Variants in ADGRF1 observed in about 807,000 individuals in gnomAD.
The protein encoded by ADGRF1 is G protein-coupled receptor 110.
Under a neutral mutation model 87.2 loss-of-function variants are expected in ADGRF1, and 85 were observed. The ratio of observed to expected loss-of-function variants is 0.97; its 90% CI spans 0.82 to 1.17. ADGRF1 has a LOEUF of 1.17. Ranked by LOEUF, ADGRF1 falls within the 50% of genes most tolerant of loss-of-function variation. The pLI, the probability that ADGRF1 is intolerant of heterozygous loss-of-function variation, is 0.00. For synonymous variants in ADGRF1, 430 were observed against 408.8 expected, an observed-to-expected ratio of 1.05 and a Z score of -0.63; for missense variants, 1,169 against 1,077.2, an observed-to-expected ratio of 1.09 and a Z score of -1.19.
At chr6:47,021,229 G>A (rs1015218275) in intron 6 of ADGRF1, among the ~76,000 whole-genome samples, 3 of 152,112 alleles carry the variant, frequency 2.0e-5, no homozygotes, top group African/African-American at 4.8e-5. Context: ...CTAGGCAGAG[G>A]GACACTGATC....
intron 13 of ADGRF1, among the ~76,000 whole-genome samples, chr6:47,004,874 T>C (rs1404310864): frequency 2.0e-5 from 3 of 152,182 alleles, no homozygotes; most frequent in African/African-American, 7.2e-5. Context: ...GAGTCAGAAA[T>C]ACAAGGGCAG....
At chr6:47,019,981 A>G (rs1265786033) in intron 7 of ADGRF1, 2 of 987,634 alleles carry the variant, frequency 2.0e-6, no homozygotes, top group Non-Finnish European at 2.4e-6. Flanking sequence ...TATCTCACCC[A>G]AAGCCCCACT....
In ADGRF1 at chr6:47,029,078, A is replaced by G; in HGVS notation, c.-17T>C. The G allele has an allele frequency of 6.2e-7, 1 of 1,610,252 alleles. No homozygotes were observed. The highest frequency in any genetic ancestry group is 8.5e-7 in the Non-Finnish European group (1 of 1,176,454). ...AACTTTCATTTTCCCTGGACTGAAC[A>G]GCAGCAGTCGGGTGCATAGTCTGTG... On this transcript the variant is annotated 5_prime_UTR_variant, in exon 2 of 15. Transcript: ENST00000371253.
intron 7 of ADGRF1, chr6:47,020,076 C>G (rs775254645): frequency 9.9e-7 from 1 of 1,008,294 alleles, no homozygotes; most frequent in Non-Finnish European, 1.2e-6. Flanking sequence ...ACCCTTATCC[C>G]CAACCCTCAC....
chr6:47,016,611 C>T lies in ADGRF1; in HGVS notation c.763+6G>A. On this transcript the variant is annotated splice_donor_region_variant and intron_variant, in intron 8 of 14. Coordinates refer to ENST00000371253, the MANE Select transcript of ADGRF1 (RefSeq NM_153840.4). The stretch of plus-strand genomic sequence containing the variant: ...ACCTAAGCAGAGGATGGGAATCCAG[C>T]ATTACCTTTTCCGAACACTCTGAAA... The T allele has an allele frequency of 6.3e-7, 1 of 1,594,576 alleles. No homozygotes were observed. Among genetic ancestry groups the T allele is most frequent in the Non-Finnish European group, 8.6e-7 (1 of 1,166,222 alleles).
At chr6:47,016,576 G>A (rs766325447) in intron 8 of ADGRF1, 41 bp downstream of exon 8, 13 of 1,476,668 alleles carry the variant, frequency 8.8e-6, no homozygotes, top group Admixed American at 2.1e-5. Flanking sequence ...CTAATTAAAG[G>A]ACTCTCTTAA....
chr6:47,030,338 C>A (rs1041665848), intron 1 of ADGRF1, among the ~76,000 whole-genome samples: 84 of 152,140 alleles, frequency 5.5e-4, no homozygotes, highest in African/African-American at 1.9e-3. Context: ...TATGCCCCAC[C>A]TTCCTGTTTG....
At position 47,016,603 on chromosome 6, in the gene ADGRF1, G is replaced by C. The variant is rs1355897512; in HGVS notation, c.763+14C>G. On this transcript the variant is annotated intron_variant, in intron 8 of 14. Transcript: ENST00000371253. Reference sequence around the variant, plus strand: ...CTCTCTTAACCTAAGCAGAGGATGGGAATCCAGCATTACCTTTTCCGAACA... The same window carrying C: ...CTCTCTTAACCTAAGCAGAGGATGGCAATCCAGCATTACCTTTTCCGAACA... 6.3e-7 allele frequency: 1 copy of C among 1,584,470 alleles called. No homozygotes were observed. Among genetic ancestry groups the C allele is most frequent in the Admixed American group, 1.7e-5 (1 of 58,494 alleles).
rs2171936 is a variant in ADGRF1 at position 47,016,852 on chromosome 6, T to C, written c.612-84A>G. 702 of 1,434,586 alleles carry C rather than the reference T, an allele frequency of 4.9e-4. 2 individuals carry two copies. In the African/African-American group the frequency reaches 9.0e-3, roughly 18 times the overall value. 88.9% of individuals were successfully genotyped at this position (1,434,586 alleles called of 1,614,324 possible). A position where few individuals can be genotyped will look rare whatever the true frequency, so the allele number is the denominator to read the frequency against. On this transcript the variant is annotated intron_variant, in intron 7 of 14. Coordinates refer to ENST00000371253, the MANE Select transcript of ADGRF1 (RefSeq NM_153840.4). ...CGGCCTATGCTGTGTGTACATGCCA[T>C]GGGGTCCATAGGAATAAAGTAAACA... is the stretch of plus-strand genomic sequence containing the variant.
intron 5 of ADGRF1, among the ~76,000 whole-genome samples, chr6:47,023,240 C>A (rs539071936): frequency 4.6e-5 from 7 of 152,314 alleles, no homozygotes; most frequent in African/African-American, 1.7e-4. Flanking sequence ...TTCTGTGTGT[C>A]CTCCTAGAAT....
chr6:47,029,287 C>T (rs943930546), intron 1 of ADGRF1, among the ~76,000 whole-genome samples, 183 bp from the exon 2 acceptor site: 2 of 152,120 alleles, frequency 1.3e-5, no homozygotes, highest in African/African-American at 4.8e-5. Flanking sequence ...TAGTAAATTT[C>T]CATCATTACA....
Position 47,027,721 on chromosome 6 carries a change from T to C in ADGRF1, c.110A>G (p.Asn37Ser). The C allele has an allele frequency of 6.2e-7, 1 of 1,605,700 alleles. No individual in the cohort carries two copies. The highest frequency in any genetic ancestry group is 8.5e-7 in the Non-Finnish European group (1 of 1,172,554). The change falls in exon 3 of 15, where the codon AAT becomes AGT. Residue 37 changes from asparagine to serine, a missense_variant. Physicochemically the swap from Asn to Ser is conservative, Grantham distance 46 (BLOSUM62 1). Transcript: ENST00000371253. ...GIKTKKELIV[N>S]KKKHLGPVEE... The stretch of plus-strand genomic sequence containing the variant: ...AGCCTCACCTAGATGTTTTTTCTTA[T>C]TCACAATGAGTTCTTTTTTTGTTTT...
Position 47,000,113 on chromosome 6 carries a change from C to G in ADGRF1, c.*109G>C. ...GACATTCTTGTTTTATTCCCAGACCCCTAAATCAGAAAACCCGATCGAATA... is the reference window on the plus strand; with the variant it reads ...GACATTCTTGTTTTATTCCCAGACCGCTAAATCAGAAAACCCGATCGAATA... On this transcript the variant is annotated 3_prime_UTR_variant, in exon 15 of 15. Coordinates refer to ENST00000371253, the MANE Select transcript of ADGRF1 (RefSeq NM_153840.4). 2 of 766,838 alleles carry G rather than the reference C, an allele frequency of 2.6e-6. No individual in the cohort carries two copies. Among genetic ancestry groups the G allele is most frequent in the South Asian group, 3.2e-5 (2 of 63,328 alleles). 47.5% of individuals were successfully genotyped at this position (766,838 alleles called of 1,614,324 possible).
Position 47,009,924 on chromosome 6 carries a change from G to A in ADGRF1, c.1511C>T (p.Pro504Leu). 1.2e-6 allele frequency: 2 copies of A among 1,614,144 alleles called. No individual in the cohort carries two copies. The highest frequency in any genetic ancestry group is 1.7e-6 in the Non-Finnish European group (2 of 1,179,988). ...GTTTTGAATAACCGTGGATATCACA[G>A]GTCCATTGACCTGAGCATTTCCATT... ...SKNGNAQVNGPVISTVIQNYS... is the reference protein window; with the variant it reads ...SKNGNAQVNGLVISTVIQNYS... The change falls in exon 11 of 15, where the codon CCT becomes CTT. Residue 504 changes from proline (P) to leucine (L), a missense_variant. Transcript: ENST00000371253.
intron 1 of ADGRF1, 138 bp from the exon 2 acceptor site, chr6:47,029,242 C>T (rs530609476): frequency 3.2e-5 from 19 of 591,572 alleles, no homozygotes; most frequent in African/African-American, 2.8e-4. Context: ...TCCACGGAAC[C>T]TGTGACATCA....
chr6:47,030,908 G>A (rs1289751421), intron 1 of ADGRF1, among the ~76,000 whole-genome samples: 22 of 151,932 alleles, frequency 1.4e-4, no homozygotes, highest in Non-Finnish European at 2.9e-5. Flanking sequence ...CATTACAGGC[G>A]TGCATCACAA....
At chr6:47,016,197 A>G (rs562123086) in intron 8 of ADGRF1, among the ~76,000 whole-genome samples, 65 of 152,074 alleles carry the variant, frequency 4.3e-4, no homozygotes, top group African/African-American at 1.5e-3. Context: ...AAAGATAAAT[A>G]TCTGAAGAAA....
chr6:47,004,317 C>T (rs937797675), intron 13 of ADGRF1, among the ~76,000 whole-genome samples: 3 of 152,090 alleles, frequency 2.0e-5, no homozygotes, highest in Non-Finnish European at 4.4e-5. Flanking sequence ...CACATATTTT[C>T]TTCTTGAAAA....
chr6:47,035,802 T>C (rs1780571887), intron 1 of ADGRF1, among the ~76,000 whole-genome samples: 1 of 152,250 alleles, frequency 6.6e-6, no homozygotes, highest in Non-Finnish European at 1.5e-5. Context: ...CCTATCTTCC[T>C]GTTCCTGCAT....
Sources: allele counts gnomAD v4.1 joint callset (sites outside exome capture counted in the v4.1 genomes callset), GRCh38; gene constraint gnomAD v4.1.1; transcripts MANE v1.5; gene names NCBI Gene and HGNC (gene_info 2026-07-23, HGNC 2026-07-21).